Variants in ROBO1 observed in about 807,000 individuals in gnomAD.
ROBO1 encodes the protein roundabout homolog 1.
ROBO1 carries 149 observed loss-of-function variants against 195.9 expected under a neutral mutation model. That is an observed-to-expected ratio of 0.76 (90% CI 0.67 to 0.87). The LOEUF is 0.87. ROBO1 is among the 40% of genes least tolerant of loss of function. The pLI is 0.00. For synonymous variants in ROBO1, 816 were observed against 733.2 expected (o/e 1.11, Z -1.82); for missense variants, 1,933 against 2,068.3 (o/e 0.93, Z 1.27).
At chr3:79,761,835 A>C (rs923928362) in intron 1 of ROBO1, among the ~76,000 whole-genome samples, 1 of 152,166 alleles carries the variant, frequency 6.6e-6, no homozygotes, top group African/African-American at 2.4e-5. Flanking sequence ...TGCCATATTG[A>C]TCTGACTGAA....
chr3:78,655,570 G>A (rs1345580118), intron 18 of ROBO1, among the ~76,000 whole-genome samples: 1 of 152,116 alleles, frequency 6.6e-6, no homozygotes, highest in Non-Finnish European at 1.5e-5. Flanking sequence ...TTGTCTTATA[G>A]GACAGAAATT....
At chr3:79,199,670 C>G (rs1172416636) in intron 2 of ROBO1, among the ~76,000 whole-genome samples, 2 of 151,514 alleles carry the variant, frequency 1.3e-5, no homozygotes, top group Non-Finnish European at 3.0e-5. Flanking sequence ...AATAACATTT[C>G]CATGAGACAC....
chr3:79,478,065 G>A (rs1244603773), intron 2 of ROBO1, among the ~76,000 whole-genome samples: 1 of 152,036 alleles, frequency 6.6e-6, no homozygotes, highest in African/African-American at 2.4e-5. Context: ...TTATGCTACA[G>A]AGAATACTTA....
intron 20 of ROBO1, 107 bp from the exon 21 acceptor site, chr3:78,646,297 T>TAGGA: frequency 1.9e-5 from 18 of 938,098 alleles, no homozygotes; most frequent in South Asian, 3.4e-5. Flanking sequence ...TCTGTCTTCC[T>TAGGA]AGACAGAAGC....
At chr3:79,764,744 C>T (rs1049976638) in intron 1 of ROBO1, among the ~76,000 whole-genome samples, 1 of 152,200 alleles carries the variant, frequency 6.6e-6, no homozygotes. Context: ...AAGTGTATAG[C>T]TTCCTTTTCA....
chr3:79,161,407 T>C (rs2080963818), intron 2 of ROBO1, among the ~76,000 whole-genome samples: 1 of 152,112 alleles, frequency 6.6e-6, no homozygotes, highest in East Asian at 1.9e-4. Flanking sequence ...ACATATCAAT[T>C]TTTTTAAATC....
chr3:78,935,820 T>G (rs2039775668), intron 4 of ROBO1, among the ~76,000 whole-genome samples: 1 of 152,026 alleles, frequency 6.6e-6, no homozygotes, highest in Non-Finnish European at 1.5e-5. Flanking sequence ...ATAAAAATTG[T>G]TTTCTTTTAT....
intron 2 of ROBO1, among the ~76,000 whole-genome samples, chr3:79,342,633 A>T (rs1300368513): frequency 6.6e-6 from 1 of 152,146 alleles, no homozygotes; most frequent in Non-Finnish European, 1.5e-5. Flanking sequence ...GGATTAAGAG[A>T]CTATAATGAC....
rs1226896824 is a variant in ROBO1, at chr3:79,048,134, C to T, written c.172+77322G>A. 3.3e-5 allele frequency among the ~76,000 whole-genome samples: 5 copies of T among 152,098 alleles called. No individual in the cohort carries two copies. The South Asian group carries it at 8.3e-4, about 25-fold the overall frequency. On this transcript the variant is annotated intron_variant, in intron 3 of 30. Transcript: ENST00000464233. ...CTTCCCAAGACACAGTTGTTTTTCA[C>T]ACTTTCAGTATTGTTTAGCCTAAGC...
intron 2 of ROBO1, among the ~76,000 whole-genome samples, chr3:79,294,315 C>A (rs1166910843): frequency 1.3e-5 from 2 of 152,042 alleles, no homozygotes; most frequent in Non-Finnish European, 2.9e-5. Context: ...ACCATCTGAT[C>A]TTTGACAAAC....
At chr3:79,008,426 T>C (rs949677239) in intron 3 of ROBO1, among the ~76,000 whole-genome samples, 1 of 152,224 alleles carries the variant, frequency 6.6e-6, no homozygotes, top group South Asian at 2.1e-4. Context: ...TAAGCTCCAT[T>C]AATAATAAAC....
intron 8 of ROBO1, among the ~76,000 whole-genome samples, chr3:78,690,965 TG>T (rs2081160168): frequency 6.6e-6 from 1 of 152,260 alleles, no homozygotes; most frequent in African/African-American, 2.4e-5. Context: ...ACATTCATCC[TG>T]AAGCAATCCT....
intron 2 of ROBO1, among the ~76,000 whole-genome samples, chr3:79,484,755 C>CTTTTTATTTTTTTTTTTTTTTTT (rs1939062487): frequency 1.5e-5 from 1 of 66,884 alleles, no homozygotes. Context: ...ATTGCACTAT[C>CTTTTTATTTTTTTTTTTTTTTTT]TTTTTTTTTT....
intron 4 of ROBO1, among the ~76,000 whole-genome samples, chr3:78,899,113 G>T (rs533341033): frequency 6.6e-6 from 1 of 152,244 alleles, no homozygotes; most frequent in Non-Finnish European, 1.5e-5. Context: ...TCATTAACTG[G>T]CTCAATGTTA....
intron 1 of ROBO1, among the ~76,000 whole-genome samples, chr3:79,699,413 A>T (rs914551811): frequency 1.3e-5 from 2 of 151,562 alleles, no homozygotes. Flanking sequence ...ACATTTCAAA[A>T]TCTCGAAGTA....
chr3:78,700,784 A>G (rs532933594), intron 8 of ROBO1, among the ~76,000 whole-genome samples: 57 of 140,580 alleles, frequency 4.1e-4, no homozygotes, highest in African/African-American at 1.5e-3. Flanking sequence ...TTTTTTTGAG[A>G]TGGAGTTTAG....
chr3:79,639,720 A>G (rs1456145226), intron 1 of ROBO1, among the ~76,000 whole-genome samples: 3 of 152,212 alleles, frequency 2.0e-5, no homozygotes, highest in South Asian at 2.1e-4. Flanking sequence ...CTATCATTCT[A>G]TGATATTTAT....
At chr3:79,405,410 T>C (rs765854855) in intron 2 of ROBO1, among the ~76,000 whole-genome samples, 1 of 152,198 alleles carries the variant, frequency 6.6e-6, no homozygotes, top group Non-Finnish European at 1.5e-5. Flanking sequence ...AGGAAGCACA[T>C]TATGCTTTCT....
At chr3:78,864,862 A>T (rs1018505809) in intron 4 of ROBO1, among the ~76,000 whole-genome samples, 16 of 152,180 alleles carry the variant, frequency 1.1e-4, no homozygotes, top group Admixed American at 2.6e-4. Flanking sequence ...ATAAAGAAAA[A>T]GGGTTACTAC....
Sources: gnomAD v4.1 joint callset for allele counts (sites outside exome capture counted in the v4.1 genomes callset) on GRCh38, gnomAD v4.1.1 for gene constraint, MANE v1.5 for transcripts, NCBI Gene and HGNC (gene_info 2026-07-23, HGNC 2026-07-21) for gene names.